Variants in COL10A1 observed in about 807,000 individuals in gnomAD.
COL10A1 encodes the protein collagen alpha-1(X) chain.
In COL10A1, 10 loss-of-function variants were observed where a neutral mutation model predicts 18.2. The observed-to-expected ratio is 0.55, with a 90% CI of 0.34 to 0.93. The LOEUF is 0.93. Ranked by LOEUF, COL10A1 falls within the 40% of genes least tolerant of loss-of-function variation. COL10A1 has a pLI of 0.02. For missense variants in COL10A1, 897 were observed against 853.5 expected (o/e 1.05, Z -0.64); for synonymous variants, 330 against 316.6 (o/e 1.04, Z -0.45).
chr6:116,155,912 TG>T (rs992403704), intron 1 of COL10A1, among the ~76,000 whole-genome samples: 9 of 152,152 alleles, frequency 5.9e-5, no homozygotes, highest in African/African-American at 2.2e-4. Flanking sequence ...AAAAAAACAA[TG>T]GGAGAATTTA....
At chr6:116,126,859 A>T (rs73772263), upstream of COL10A1, among the ~76,000 whole-genome samples, 662 of 152,286 alleles carry the variant, frequency 4.3e-3, 6 homozygotes, top group African/African-American at 0.015. Flanking sequence ...CTTAAAAAAA[A>T]TATTATTGGC....
At chr6:116,201,049 G>A in the COL10A1 span, among the ~76,000 whole-genome samples, 1 of 151,964 alleles carries the variant, frequency 6.6e-6, no homozygotes, top group African/African-American at 2.4e-5. Flanking sequence ...TTGCCCAGTA[G>A]GAGTGAAGTA....
the COL10A1 span, among the ~76,000 whole-genome samples, chr6:116,193,218 GTTTAT>G: frequency 2.0e-5 from 3 of 151,928 alleles, no homozygotes; most frequent in Admixed American, 6.6e-5. Context: ...GTTTTTCACT[GTTTAT>G]TTTTTAAAAT....
At chr6:116,178,064 T>C in the COL10A1 span, among the ~76,000 whole-genome samples, 10 of 107,436 alleles carry the variant, frequency 9.3e-5, no homozygotes, top group African/African-American at 4.4e-4. Context: ...TGTGTGTGTG[T>C]GTGTGTGTGT....
intron 1 of COL10A1, among the ~76,000 whole-genome samples, chr6:116,132,173 G>T (rs1294293048): frequency 6.6e-6 from 1 of 152,108 alleles, no homozygotes; most frequent in Admixed American, 6.6e-5. Context: ...GTCTTTGGGA[G>T]AGAGTCATAG....
chr6:116,123,290 T>A (rs1266489135), intron 2 of COL10A1, among the ~76,000 whole-genome samples: 1 of 152,212 alleles, frequency 6.6e-6, no homozygotes, highest in African/African-American at 2.4e-5. Flanking sequence ...CTTGGAATGT[T>A]GTCCTAATGG....
intron 1 of COL10A1, among the ~76,000 whole-genome samples, chr6:116,136,398 C>G (rs951706384): frequency 6.6e-6 from 1 of 151,954 alleles, no homozygotes; most frequent in Admixed American, 6.6e-5. Flanking sequence ...GCTTTATAAT[C>G]ATGATTCTTC....
the COL10A1 span, among the ~76,000 whole-genome samples, chr6:116,193,735 GTT>G: frequency 2.0e-5 from 3 of 148,220 alleles, no homozygotes; most frequent in South Asian, 2.1e-4. Flanking sequence ...TTTCATCTTT[GTT>G]GTTGGACTTA....
At chr6:116,167,376 C>G in the COL10A1 span, among the ~76,000 whole-genome samples, 5 of 151,926 alleles carry the variant, frequency 3.3e-5, no homozygotes, top group Non-Finnish European at 7.4e-5. Context: ...CCACTGCCGG[C>G]TAATTTTTTG....
rs1380610879 is a variant in COL10A1, at chr6:116,118,975, GA to G, written c.*1097del. 1 of 152,482 alleles carries G rather than the reference GA, an allele frequency of 6.6e-6. No homozygotes were observed. The highest frequency in any genetic ancestry group is 1.5e-5 in the Non-Finnish European group (1 of 68,032). 9.4% of individuals were successfully genotyped at this position (152,482 alleles called of 1,614,324 possible). ...CTTTGAACAATGAAAAGCCTTGAAAGAATGGTTGAGAACAGCAAATTGCTGC... is the reference window on the plus strand; with the variant it reads ...CTTTGAACAATGAAAAGCCTTGAAAGATGGTTGAGAACAGCAAATTGCTGC... On this transcript the variant is annotated 3_prime_UTR_variant, in exon 3 of 3. Transcript: ENST00000651968.
At chr6:116,163,802 G>A in the COL10A1 span, among the ~76,000 whole-genome samples, 2 of 152,140 alleles carry the variant, frequency 1.3e-5, no homozygotes, top group Admixed American at 1.3e-4. Context: ...GATTTGATAT[G>A]TTACATGTCT....
chr6:116,146,326 G>C (rs1297693702), intron 1 of COL10A1, among the ~76,000 whole-genome samples: 1 of 152,194 alleles, frequency 6.6e-6, no homozygotes, highest in African/African-American at 2.4e-5. Flanking sequence ...GCGTCAACCT[G>C]TGATTTTTAG....
chr6:116,211,172 G>C, the COL10A1 span, among the ~76,000 whole-genome samples: 3 of 152,048 alleles, frequency 2.0e-5, no homozygotes, highest in Non-Finnish European at 4.4e-5. Context: ...TAGCTAAGTG[G>C]AGAGATGTTT....
At chr6:116,207,845 A>C in the COL10A1 span, among the ~76,000 whole-genome samples, 1 of 151,926 alleles carries the variant, frequency 6.6e-6, no homozygotes, top group Non-Finnish European at 1.5e-5. Context: ...TCTGTGCCTC[A>C]TTACTGATCA....
At chr6:116,191,076 G>A in the COL10A1 span, among the ~76,000 whole-genome samples, 2 of 152,066 alleles carry the variant, frequency 1.3e-5, no homozygotes, top group East Asian at 1.9e-4. Context: ...GCCAACACCC[G>A]AGTCTCTGAA....
chr6:116,192,504 A>G, the COL10A1 span, among the ~76,000 whole-genome samples: 1 of 152,010 alleles, frequency 6.6e-6, no homozygotes, highest in East Asian at 1.9e-4. Flanking sequence ...ATGTTGCTCA[A>G]ATTGGATTCT....
At position 116,135,848 on chromosome 6, in the gene COL10A1, TATATATATATATATATATATATATAC is replaced by T. The variant is rs570817866; in HGVS notation, c.-15-10367_-15-10342del. On this transcript the variant is annotated intron_variant, in intron 1 of 1. Coordinates refer to the COL10A1 transcript ENST00000418500. ...ATATATTTTCAGATATATATATATA[TATATATATATATATATATATATATAC>T]ACACATACACACACATTGCTAAATG... Among the ~76,000 whole-genome samples, 327 of 105,580 alleles carry T rather than the reference TATATATATATATATATATATATATAC, an allele frequency of 3.1e-3. 6 individuals are homozygous for T. The highest frequency in any genetic ancestry group is 0.014 in the African/African-American group (287 of 20,658). 69.3% of individuals were successfully genotyped at this position (105,580 alleles called of 152,430 possible). A position where few individuals can be genotyped will look rare whatever the true frequency, so the allele number is the denominator to read the frequency against.
At chr6:116,125,307 G>A (rs749633212) in intron 2 of COL10A1, 32 bp downstream of exon 2, 1 of 1,607,246 alleles carries the variant, frequency 6.2e-7, no homozygotes, top group Non-Finnish European at 8.5e-7. Context: ...CAAGCAACTT[G>A]TTAATAGAAC....
the COL10A1 span, among the ~76,000 whole-genome samples, chr6:116,211,142 T>G: frequency 6.6e-6 from 1 of 152,046 alleles, no homozygotes; most frequent in South Asian, 2.1e-4. Context: ...GAGACCCAAA[T>G]GCAGAGAGAA....
Sources: allele counts gnomAD v4.1 joint callset (sites outside exome capture counted in the v4.1 genomes callset), GRCh38; gene constraint gnomAD v4.1.1; transcripts MANE v1.5; gene names NCBI Gene and HGNC (gene_info 2026-07-23, HGNC 2026-07-21).